Variants in PSD3 observed in about 807,000 individuals in gnomAD.
The protein encoded by PSD3 is PH and SEC7 domain-containing protein 3.
In PSD3, 49 loss-of-function variants were observed where a neutral mutation model predicts 105.5. The ratio of observed to expected loss-of-function variants is 0.46; its 90% CI spans 0.37 to 0.59. PSD3 has a LOEUF of 0.59. Ranked by LOEUF, PSD3 falls within the 20% of genes least tolerant of loss-of-function variation. The pLI is 0.00. For synonymous variants in PSD3, 557 were observed against 457.8 expected (o/e 1.22, Z -2.77); for missense variants, 1,561 against 1,263.8 (o/e 1.24, Z -3.57).
chr8:19,047,855 G>A (rs1828380760), intron 1 of PSD3, among the ~76,000 whole-genome samples: 1 of 152,274 alleles, frequency 6.6e-6, no homozygotes, highest in South Asian at 2.1e-4. Context: ...GCAGTGGCCA[G>A]GTGGGCCTCT....
At chr8:18,932,670 T>A (rs949146997) in intron 2 of PSD3, among the ~76,000 whole-genome samples, 7 of 152,210 alleles carry the variant, frequency 4.6e-5, no homozygotes, top group Admixed American at 2.0e-4. Flanking sequence ...CTACTTATTT[T>A]TAAAAGTCTG....
At chr8:18,927,971 T>C (rs2129468158) in intron 2 of PSD3, among the ~76,000 whole-genome samples, 1 of 152,306 alleles carries the variant, frequency 6.6e-6, no homozygotes, top group African/African-American at 2.4e-5. Context: ...AGAATTGCCA[T>C]TCAACTCGGC....
At chr8:19,013,511 A>T in intron 1 of PSD3, 52 bp downstream of exon 1, 1 of 1,578,558 alleles carries the variant, frequency 6.3e-7, no homozygotes, top group African/African-American at 1.4e-5. Context: ...CCCACGTCGA[A>T]CAGCGGCGCC....
chr8:18,550,767 G>C (rs1418110908), intron 15 of PSD3, among the ~76,000 whole-genome samples: 1 of 151,922 alleles, frequency 6.6e-6, no homozygotes, highest in Non-Finnish European at 1.5e-5. Flanking sequence ...CTTAAGTCGG[G>C]AACCATCTGT....
intron 1 of PSD3, among the ~76,000 whole-genome samples, chr8:18,977,925 G>T (rs1825031702): frequency 6.6e-6 from 1 of 152,128 alleles, no homozygotes; most frequent in Non-Finnish European, 1.5e-5. Flanking sequence ...AAACTGAGAG[G>T]CTTCCAATGA....
chr8:18,921,500 A>G (rs2129467325), intron 2 of PSD3, among the ~76,000 whole-genome samples: 1 of 152,296 alleles, frequency 6.6e-6, no homozygotes, highest in Admixed American at 6.5e-5. Context: ...TCTACAGGAG[A>G]TCCTCATGCT....
rs1393283853 is a variant in PSD3, at chr8:18,914,343, G to C, written c.130+21691C>G. On this transcript the variant is annotated intron_variant, in intron 2 of 15. Transcript: ENST00000327040. ...ATGCCCACTCTCACCACTTCTGTCA[G>C]CACAGTACTAGAACTCCTAGCCACA... Among the ~76,000 whole-genome samples the C allele has an allele frequency of 3.9e-5, 6 of 152,174 alleles. No individual in the cohort carries two copies. The East Asian group carries it at 1.2e-3, about 29-fold the overall frequency.
upstream of PSD3, among the ~76,000 whole-genome samples, chr8:19,018,044 A>G (rs139451561): frequency 4.7e-3 from 719 of 152,240 alleles, 2 homozygotes; most frequent in Non-Finnish European, 8.4e-3. Flanking sequence ...TAATTTCTCC[A>G]CATCCTCACC....
intron 1 of PSD3, among the ~76,000 whole-genome samples, chr8:18,981,897 G>A (rs191026145): frequency 2.0e-5 from 3 of 152,312 alleles, no homozygotes; most frequent in African/African-American, 7.2e-5. Context: ...GGTGGTAGCT[G>A]CTGAAGGCTG....
chr8:19,060,411 T>C (rs1012263464), intron 1 of PSD3, among the ~76,000 whole-genome samples: 1 of 152,318 alleles, frequency 6.6e-6, no homozygotes, highest in Non-Finnish European at 1.5e-5. Context: ...ATCTTATATA[T>C]AGCTCCACTC....
intron 14 of PSD3, among the ~76,000 whole-genome samples, chr8:18,558,315 A>C (rs1442973629): frequency 6.6e-6 from 1 of 152,220 alleles, no homozygotes; most frequent in African/African-American, 2.4e-5. Flanking sequence ...GGACCACTTC[A>C]AAAAATAAAA....
At chr8:18,788,618 T>C (rs1178898226) in intron 8 of PSD3, among the ~76,000 whole-genome samples, 1 of 152,228 alleles carries the variant, frequency 6.6e-6, no homozygotes, top group African/African-American at 2.4e-5. Context: ...GTGTCAGGTC[T>C]GGAAGCTTTG....
chr8:18,768,182 G>A (rs1052785032), intron 8 of PSD3, among the ~76,000 whole-genome samples: 20 of 150,544 alleles, frequency 1.3e-4, no homozygotes, highest in African/African-American at 4.6e-4. Context: ...GCTACTCAGG[G>A]GGCTGAGGCA....
At chr8:18,962,968 G>T (rs773843784) in intron 1 of PSD3, among the ~76,000 whole-genome samples, 1 of 152,160 alleles carries the variant, frequency 6.6e-6, no homozygotes, top group East Asian at 1.9e-4. Flanking sequence ...CCGTTTTCAC[G>T]CTGCTGATAA....
chr8:18,655,245 C>T (rs980268760), intron 10 of PSD3, among the ~76,000 whole-genome samples: 2 of 149,526 alleles, frequency 1.3e-5, no homozygotes, highest in African/African-American at 2.5e-5. Context: ...AGGAGAATGG[C>T]GTGAACCCGG....
chr8:19,078,269 A>C (rs1417040696), intron 1 of PSD3, among the ~76,000 whole-genome samples: 5 of 152,198 alleles, frequency 3.3e-5, no homozygotes, highest in Non-Finnish European at 7.3e-5. Context: ...AAGCAAATCT[A>C]TTTATAAATC....
chr8:18,835,413 T>C (rs1444914081), intron 4 of PSD3, among the ~76,000 whole-genome samples: 1 of 152,362 alleles, frequency 6.6e-6, no homozygotes, highest in East Asian at 1.9e-4. Flanking sequence ...TTATTTAACT[T>C]AGTCTTCCAA....
chr8:18,956,481 A>G (rs1373748597), intron 1 of PSD3, among the ~76,000 whole-genome samples: 1 of 152,200 alleles, frequency 6.6e-6, no homozygotes, highest in Admixed American at 6.5e-5. Context: ...AAAGTTTCCA[A>G]TGTCAGGCTC....
At chr8:18,969,317 C>T (rs1273258607) in intron 1 of PSD3, among the ~76,000 whole-genome samples, 1 of 152,148 alleles carries the variant, frequency 6.6e-6, no homozygotes, top group African/African-American at 2.4e-5. Flanking sequence ...TTAATTCAAA[C>T]CTGAAAATAA....
Sources: gnomAD v4.1 joint callset for allele counts (sites outside exome capture counted in the v4.1 genomes callset) on GRCh38, gnomAD v4.1.1 for gene constraint, MANE v1.5 for transcripts, NCBI Gene and HGNC (gene_info 2026-07-23, HGNC 2026-07-21) for gene names.